The following QTGAL variants were observed in gnomAD, a reference collection of about 807,000 sequenced individuals.
QTGAL encodes the protein BGnT-like protein 1.
chr17:83,039,944 T>G, the QTGAL span, among the ~76,000 whole-genome samples: 1 of 152,118 alleles, frequency 6.6e-6, no homozygotes, highest in East Asian at 1.9e-4. Context: ...AGGACTTAAC[T>G]CCCCAGGCTC....
chr17:83,047,690 C>T, the QTGAL span, among the ~76,000 whole-genome samples: 7 of 123,822 alleles, frequency 5.7e-5, 1 homozygote, highest in African/African-American at 1.5e-4. Context: ...TATCAAAGAA[C>T]AAGAAATTTA....
chr17:82,966,217 ATTTTCT>A, the QTGAL span, among the ~76,000 whole-genome samples: 6 of 147,750 alleles, frequency 4.1e-5, no homozygotes, highest in Non-Finnish European at 5.9e-5. Flanking sequence ...GTGCCTGGCT[ATTTTCT>A]TACATTTCTT....
the QTGAL span, among the ~76,000 whole-genome samples, chr17:82,986,969 C>T: frequency 6.6e-6 from 1 of 152,196 alleles, no homozygotes; most frequent in Admixed American, 6.5e-5. Context: ...CCTGACCATA[C>T]CCCCACGAGG....
At chr17:83,040,597 C>G in the QTGAL span, among the ~76,000 whole-genome samples, 1 of 152,140 alleles carries the variant, frequency 6.6e-6, no homozygotes, top group Non-Finnish European at 1.5e-5. Flanking sequence ...TAACAAGAGT[C>G]AGACTGGTGT....
chr17:82,954,138 G>A, the QTGAL span, among the ~76,000 whole-genome samples: 1 of 152,130 alleles, frequency 6.6e-6, no homozygotes, highest in Non-Finnish European at 1.5e-5. Context: ...TGGAAGTTCT[G>A]GCCAGGGCAA....
the QTGAL span, among the ~76,000 whole-genome samples, chr17:83,013,949 C>G: frequency 6.6e-6 from 1 of 152,130 alleles, no homozygotes; most frequent in East Asian, 1.9e-4. Flanking sequence ...GTGTCCCCAC[C>G]ATCTGCGGTG....
the QTGAL span, among the ~76,000 whole-genome samples, chr17:83,024,872 T>C: frequency 6.6e-6 from 1 of 152,220 alleles, no homozygotes; most frequent in East Asian, 1.9e-4. Context: ...CTCCAACTCC[T>C]GCCAGACACA....
At chr17:83,016,752 G>T in the QTGAL span, among the ~76,000 whole-genome samples, 94 of 150,078 alleles carry the variant, frequency 6.3e-4, no homozygotes, top group Middle Eastern at 3.6e-3. Context: ...GAGGATGAAG[G>T]TGGAGAAGGG....
chr17:82,984,447 G>T, the QTGAL span, among the ~76,000 whole-genome samples: 1 of 139,122 alleles, frequency 7.2e-6, no homozygotes, highest in Non-Finnish European at 1.5e-5. Context: ...AGAGGCCACA[G>T]GAGGATGCAG....
chr17:83,044,030 G>C, the QTGAL span, among the ~76,000 whole-genome samples: 16 of 152,196 alleles, frequency 1.1e-4, no homozygotes, highest in East Asian at 2.9e-3. Context: ...AAAAAGCCCA[G>C]AGTCAGGTGA....
the QTGAL span, among the ~76,000 whole-genome samples, chr17:82,999,958 TTTTTG>T: frequency 2.0e-5 from 3 of 152,048 alleles, no homozygotes; most frequent in African/African-American, 4.8e-5. Context: ...TTGTTGTTGT[TTTTTG>T]TTTTGTTTTG....
the QTGAL span, among the ~76,000 whole-genome samples, chr17:83,021,984 C>T: frequency 3.6e-4 from 55 of 152,100 alleles, no homozygotes; most frequent in African/African-American, 1.2e-3. Context: ...CTGGAAAAAC[C>T]GGACATCATC....
At chr17:83,039,735 C>T in the QTGAL span, among the ~76,000 whole-genome samples, 18 of 152,204 alleles carry the variant, frequency 1.2e-4, no homozygotes, top group African/African-American at 2.9e-4. Flanking sequence ...AATAAGGAAA[C>T]GGAGGCAGAG....
At chr17:82,962,777 A>G in the QTGAL span, among the ~76,000 whole-genome samples, 1 of 152,354 alleles carries the variant, frequency 6.6e-6, no homozygotes, top group Middle Eastern at 3.4e-3. Flanking sequence ...CTCTCTTCCT[A>G]TCACCAGAAG....
At chr17:82,946,509 A>C in the QTGAL span, among the ~76,000 whole-genome samples, 2 of 151,334 alleles carry the variant, frequency 1.3e-5, no homozygotes, top group South Asian at 4.2e-4. Context: ...ATTTCAATAA[A>C]GTGTCATAAG....
the QTGAL span, among the ~76,000 whole-genome samples, chr17:83,040,605 T>C: frequency 0.014 from 2,107 of 152,264 alleles, 51 homozygotes; most frequent in African/African-American, 0.048. Flanking sequence ...GTCAGACTGG[T>C]GTAAGATTTC....
At chr17:82,947,224 CCT>C in the QTGAL span, 4 of 522,796 alleles carry the variant, frequency 7.7e-6, no homozygotes, top group Non-Finnish European at 1.4e-5. Context: ...TCTGGCCTTG[CCT>C]CTCTACATAA....
chr17:82,960,625 C>T, the QTGAL span: 8 of 165,886 alleles, frequency 4.8e-5, no homozygotes, highest in African/African-American at 9.5e-5. Context: ...AGGCGGACCC[C>T]GCAGCACTGG....
chr17:83,002,365 G>A, the QTGAL span, among the ~76,000 whole-genome samples: 2 of 152,148 alleles, frequency 1.3e-5, no homozygotes, highest in Admixed American at 1.3e-4. Context: ...TGGCAACGCC[G>A]AACCGCATTC....
Sources: allele counts gnomAD v4.1 joint callset (sites outside exome capture counted in the v4.1 genomes callset), GRCh38; gene constraint gnomAD v4.1.1; transcripts MANE v1.5; gene names NCBI Gene and HGNC (gene_info 2026-07-23, HGNC 2026-07-21).